The following PDZRN4 variants were observed in gnomAD, a reference collection of about 807,000 sequenced individuals.
PDZRN4 encodes the protein PDZ domain containing ring finger 4.
A neutral mutation model predicts 99.0 loss-of-function variants in PDZRN4; 70 were observed. The ratio of observed to expected loss-of-function variants is 0.71; its 90% CI spans 0.58 to 0.86. The LOEUF (loss-of-function observed/expected upper bound fraction) is 0.86. Ranked by LOEUF, PDZRN4 falls within the 40% of genes least tolerant of loss-of-function variation. The pLI, the probability that PDZRN4 is intolerant of heterozygous loss-of-function variation, is 0.00. For synonymous variants in PDZRN4, 551 were observed against 501.6 expected (o/e 1.10, Z -1.32); for missense variants, 1,474 against 1,331.2 (o/e 1.11, Z -1.67).
At chr12:41,503,324 CT>C (rs1203999752) in intron 3 of PDZRN4, among the ~76,000 whole-genome samples, 1 of 151,902 alleles carries the variant, frequency 6.6e-6, no homozygotes, top group African/African-American at 2.4e-5. Flanking sequence ...ACTGACTGTC[CT>C]TTTTTTAAGA....
At position 41,573,968 on chromosome 12, in the gene PDZRN4, G is replaced by A. The variant is rs1939534138; in HGVS notation, c.*78G>A. On this transcript the variant is annotated 3_prime_UTR_variant, in exon 10 of 10. Transcript: ENST00000402685. ...GTAGAGTATGATTGCCTCGTTCAAT[G>A]TGGCGTTTTTATATATATTTTGTGA... 2 of 1,026,610 alleles carry A rather than the reference G, an allele frequency of 1.9e-6. No individual in the cohort carries two copies. The highest frequency in any genetic ancestry group is 2.8e-6 in the Non-Finnish European group (2 of 722,486). The allele number at this position is 1,026,610 out of a possible 1,614,324, so 63.6% of individuals were successfully genotyped here.
At chr12:41,516,632 C>A (rs750955350) in intron 5 of PDZRN4, among the ~76,000 whole-genome samples, 2 of 151,952 alleles carry the variant, frequency 1.3e-5, no homozygotes, top group Admixed American at 6.6e-5. Flanking sequence ...ACCACAAATG[C>A]GTAAGCTGGT....
chr12:41,301,511 G>C (rs965178796), intron 3 of PDZRN4, among the ~76,000 whole-genome samples: 7 of 151,918 alleles, frequency 4.6e-5, no homozygotes, highest in Admixed American at 3.9e-4. Context: ...CCTTATAGAA[G>C]AATGAAGTCA....
chr12:41,525,722 C>T (rs1938556922), intron 5 of PDZRN4, among the ~76,000 whole-genome samples: 2 of 152,028 alleles, frequency 1.3e-5, no homozygotes, highest in Admixed American at 1.3e-4. Flanking sequence ...GGAAAAGAAA[C>T]TCCATACCTT....
chr12:41,510,142 CT>C (rs1938281988), intron 5 of PDZRN4, among the ~76,000 whole-genome samples: 1 of 151,948 alleles, frequency 6.6e-6, no homozygotes, highest in Admixed American at 6.6e-5. Flanking sequence ...CATTTTGTTG[CT>C]TTTTAATAAA....
At chr12:41,223,087 C>T (rs1950969172) in intron 3 of PDZRN4, among the ~76,000 whole-genome samples, 1 of 151,944 alleles carries the variant, frequency 6.6e-6, no homozygotes, top group African/African-American at 2.4e-5. Flanking sequence ...ACTTTTGCAC[C>T]AGTCTAATAT....
chr12:41,538,628 A>G (rs1938792071), intron 5 of PDZRN4, among the ~76,000 whole-genome samples: 1 of 152,170 alleles, frequency 6.6e-6, no homozygotes, highest in Non-Finnish European at 1.5e-5. Flanking sequence ...TTAAAGGCCC[A>G]AGGAAAACGC....
intron 6 of PDZRN4, among the ~76,000 whole-genome samples, chr12:41,555,256 A>AAAGAAAAAG: frequency 1.3e-5 from 2 of 151,386 alleles, no homozygotes; most frequent in East Asian, 1.9e-4. Context: ...AAAAGAAAAA[A>AAAGAAAAAG]AAAAGGACGG....
At chr12:41,374,497 T>C (rs1188237075) in intron 3 of PDZRN4, among the ~76,000 whole-genome samples, 1 of 152,146 alleles carries the variant, frequency 6.6e-6, no homozygotes, top group African/African-American at 2.4e-5. Flanking sequence ...GGAAGTGACC[T>C]CACATGCTCT....
chr12:41,391,907 T>C (rs1161137186), intron 3 of PDZRN4, among the ~76,000 whole-genome samples: 5 of 152,134 alleles, frequency 3.3e-5, no homozygotes, highest in Admixed American at 3.3e-4. Context: ...TGGAGTGGTG[T>C]TTGTTTCAAA....
rs552671073 is a variant in PDZRN4 at position 41,194,760 on chromosome 12, C to T, written c.843+572C>T. On this transcript the variant is annotated intron_variant, in intron 3 of 9. Transcript: ENST00000402685. Reference sequence around the variant, plus strand: ...TAATGAATACCTCTGTTTTAATAACCTGTGTTTCCCATGAACTATGATGTC... The same window carrying T: ...TAATGAATACCTCTGTTTTAATAACTTGTGTTTCCCATGAACTATGATGTC... Among the ~76,000 whole-genome samples, 6 of 152,266 alleles carry T rather than the reference C, an allele frequency of 3.9e-5. No homozygotes were observed. In the South Asian group the frequency reaches 1.0e-3, roughly 26 times the overall value.
At chr12:41,498,189 A>G (rs1376548272) in intron 3 of PDZRN4, among the ~76,000 whole-genome samples, 1 of 151,980 alleles carries the variant, frequency 6.6e-6, no homozygotes, top group Non-Finnish European at 1.5e-5. Context: ...GTAATAGACA[A>G]ATAAACATTA....
In PDZRN4 at chr12:41,515,459, C is replaced by A. The variant is rs1418957637; in HGVS notation, c.1203+5546C>A. Among the ~76,000 whole-genome samples, 13 of 152,002 alleles carry A rather than the reference C, an allele frequency of 8.6e-5. No individual in the cohort carries two copies. The East Asian group carries it at 2.5e-3, about 30-fold the overall frequency. ...ATTAAAAAAATCACCTTCATAAGTG[C>A]CGTTCCTTTGGGAAATTTACTGAAT... On this transcript the variant is annotated intron_variant, in intron 5 of 9. Coordinates refer to ENST00000402685, the MANE Select transcript of PDZRN4 (RefSeq NM_001164595.2).
At chr12:41,281,479 A>G (rs569425102) in intron 3 of PDZRN4, among the ~76,000 whole-genome samples, 1 of 152,350 alleles carries the variant, frequency 6.6e-6, no homozygotes, top group Admixed American at 6.5e-5. Flanking sequence ...ATAAAAGGTT[A>G]GAGTAATTGC....
chr12:41,222,973 G>A (rs903459861), intron 3 of PDZRN4, among the ~76,000 whole-genome samples: 4 of 152,084 alleles, frequency 2.6e-5, no homozygotes, highest in Non-Finnish European at 4.4e-5. Flanking sequence ...GCTTATGTTT[G>A]GTAACCAAAT....
chr12:41,353,682 G>C (rs907096079), intron 3 of PDZRN4, among the ~76,000 whole-genome samples: 4 of 152,044 alleles, frequency 2.6e-5, no homozygotes, highest in African/African-American at 9.7e-5. Context: ...GTTCTCTCTA[G>C]AATGGCTCAG....
At chr12:41,335,988 T>A (rs1230287250) in intron 3 of PDZRN4, among the ~76,000 whole-genome samples, 1 of 152,132 alleles carries the variant, frequency 6.6e-6, no homozygotes. Context: ...GGATAAGGCA[T>A]ATAAAAAAGT....
intron 3 of PDZRN4, among the ~76,000 whole-genome samples, chr12:41,365,708 T>C (rs1182889364): frequency 7.9e-5 from 12 of 152,092 alleles, no homozygotes. Context: ...ACAAACATGC[T>C]TGTCACTGTA....
At chr12:41,567,940 T>C (rs764615121) in intron 9 of PDZRN4, 41 bp downstream of exon 9, 2 of 1,169,540 alleles carry the variant, frequency 1.7e-6, no homozygotes, top group Non-Finnish European at 2.5e-6. Context: ...GATATGTTGC[T>C]TGTTCTTTTT....
Sources: allele counts gnomAD v4.1 joint callset (sites outside exome capture counted in the v4.1 genomes callset), GRCh38; gene constraint gnomAD v4.1.1; transcripts MANE v1.5; gene names NCBI Gene and HGNC (gene_info 2026-07-23, HGNC 2026-07-21).